Variants in RHOBTB3 observed in about 807,000 individuals in gnomAD.
RHOBTB3 encodes the protein rho-related BTB domain-containing protein 3.
RHOBTB3 carries 47 observed loss-of-function variants against 67.2 expected under a neutral mutation model. The ratio of observed to expected loss-of-function variants is 0.70; its 90% CI spans 0.55 to 0.89. RHOBTB3 has a LOEUF of 0.89. RHOBTB3 is among the 40% of genes least tolerant of loss of function. The probability of loss-of-function intolerance (pLI) is 0.00; values close to 1 mark genes in which losing one functional copy is unlikely to be tolerated. For missense variants in RHOBTB3, 631 were observed against 750.0 expected, an observed-to-expected ratio of 0.84 and a Z score of 1.85; for synonymous variants, 273 against 274.2, an observed-to-expected ratio of 1.00 and a Z score of 0.04.
chr5:95,764,477 T>G (rs1173931297), intron 7 of RHOBTB3, among the ~76,000 whole-genome samples: 4 of 152,244 alleles, frequency 2.6e-5, no homozygotes, highest in Non-Finnish European at 2.9e-5. Context: ...TATATTGCCA[T>G]AGACTGGTGC....
intron 3 of RHOBTB3, among the ~76,000 whole-genome samples, chr5:95,738,621 C>T (rs557049463): frequency 2.4e-4 from 36 of 152,034 alleles, no homozygotes; most frequent in African/African-American, 8.2e-4. Context: ...TTCTGCCTTC[C>T]ACCATGGGAC....
rs759852028 is a variant in RHOBTB3 at position 95,755,747 on chromosome 5, G to A, written c.1034G>A (p.Arg345His). The change falls in exon 6 of 12, where the codon CGC becomes CAC. Residue 345 changes from arginine (R) to histidine (H), a missense_variant. Physicochemically the swap from Arg to His is conservative, Grantham distance 29. Coordinates refer to ENST00000379982, the MANE Select transcript of RHOBTB3 (RefSeq NM_014899.4). The stretch of plus-strand genomic sequence containing the variant: ...TGTTCTTGTTTATCAGACATCCTTC[G>A]CTTCATTTATTCAGGTATCTTGTCA... ...LFCSCLSDIL[R>H]FIYSGAFQWE... 33 of 1,613,184 alleles carry A rather than the reference G, an allele frequency of 2.0e-5. No individual in the cohort carries two copies. The highest frequency in any genetic ancestry group is 4.0e-5 in the African/African-American group (3 of 74,880).
At chr5:95,744,500 G>A (rs1251633284) in intron 3 of RHOBTB3, among the ~76,000 whole-genome samples, 1 of 152,094 alleles carries the variant, frequency 6.6e-6, no homozygotes, top group Non-Finnish European at 1.5e-5. Flanking sequence ...TTGATGTGTG[G>A]TAGGTACTCA....
At chr5:95,718,918 A>G (rs926942673) in intron 1 of RHOBTB3, among the ~76,000 whole-genome samples, 4 of 152,192 alleles carry the variant, frequency 2.6e-5, no homozygotes, top group Admixed American at 2.6e-4. Flanking sequence ...AACAGGGTAG[A>G]AGGCTGCTTG....
At position 95,731,469 on chromosome 5, in the gene RHOBTB3, TC is replaced by T; in HGVS notation, c.-209del. 1.6e-6 allele frequency: 2 copies of T among 1,220,848 alleles called. No homozygotes were observed. Among genetic ancestry groups the T allele is most frequent in the Non-Finnish European group, 2.0e-6 (2 of 984,198 alleles). 75.6% of individuals were successfully genotyped at this position (1,220,848 alleles called of 1,614,324 possible). A position where few individuals can be genotyped will look rare whatever the true frequency, so the allele number is the denominator to read the frequency against. The stretch of plus-strand genomic sequence containing the variant: ...GCACTCCCTGAGTAGCGGCAGCTTA[TC>T]CCCCGCCCGCTAGCCCGCCCTGGTC... On this transcript the variant is annotated 5_prime_UTR_variant, in exon 1 of 12. Coordinates refer to ENST00000379982, the MANE Select transcript of RHOBTB3 (RefSeq NM_014899.4).
intron 2 of RHOBTB3, among the ~76,000 whole-genome samples, chr5:95,733,474 A>C (rs1467018382): frequency 6.6e-6 from 1 of 152,214 alleles, no homozygotes; most frequent in African/African-American, 2.4e-5. Context: ...ATTTAATTTG[A>C]GCTGTTAACA....
At chr5:95,731,726 C>T (rs767066720) in intron 1 of RHOBTB3, 42 bp downstream of exon 1, 53 of 1,612,450 alleles carry the variant, frequency 3.3e-5, no homozygotes, top group Non-Finnish European at 4.3e-5. Context: ...CTCTCCAGCG[C>T]GTGCCGTGCG....
intron 6 of RHOBTB3, chr5:95,755,976 C>T (rs1745233950): frequency 2.0e-6 from 1 of 490,042 alleles, no homozygotes. Context: ...TTTTCCCTAT[C>T]AATTTCATTT....
At chr5:95,767,735 CTGT>C in intron 7 of RHOBTB3, 1 of 682,386 alleles carries the variant, frequency 1.5e-6, no homozygotes, top group South Asian at 1.5e-5. Context: ...AGTTGGACTA[CTGT>C]TGTCTGTTTC....
chr5:95,780,182 A>G (rs1746005286), intron 8 of RHOBTB3, 70 bp from the exon 9 acceptor site: 1 of 1,328,148 alleles, frequency 7.5e-7, no homozygotes, highest in Non-Finnish European at 1.1e-6. Context: ...GTCTAATTAG[A>G]AGGAAAATTG....
At chr5:95,737,222 T>C in intron 3 of RHOBTB3, 147 bp downstream of exon 3, 2 of 574,708 alleles carry the variant, frequency 3.5e-6, no homozygotes, top group South Asian at 4.6e-5. Context: ...CTTCATCATT[T>C]GATACGATAA....
chr5:95,731,776 T>A, intron 1 of RHOBTB3, 83 bp from the exon 2 acceptor site: 1 of 1,604,224 alleles, frequency 6.2e-7, no homozygotes, highest in Non-Finnish European at 8.5e-7. Context: ...CGCCGCGCGC[T>A]GTCCCCCGCA....
chr5:95,737,707 T>C (rs1158510633), intron 3 of RHOBTB3, among the ~76,000 whole-genome samples: 2 of 152,246 alleles, frequency 1.3e-5, no homozygotes, highest in Non-Finnish European at 2.9e-5. Context: ...TTTTACACAT[T>C]ATTCTAAAAA....
chr5:95,772,052 C>A (rs1425210040), intron 8 of RHOBTB3, among the ~76,000 whole-genome samples: 1 of 152,132 alleles, frequency 6.6e-6, no homozygotes, highest in Non-Finnish European at 1.5e-5. Flanking sequence ...TGCTGTCTTC[C>A]AGATGACTTC....
intron 8 of RHOBTB3, chr5:95,769,273 G>T: frequency 2.4e-6 from 1 of 421,522 alleles, no homozygotes; most frequent in Non-Finnish European, 4.7e-6. Flanking sequence ...AAATATTGGA[G>T]CTAAGCTTGT....
chr5:95,783,192 G>A (rs1360333405), intron 9 of RHOBTB3, among the ~76,000 whole-genome samples: 2 of 151,396 alleles, frequency 1.3e-5, no homozygotes, highest in Non-Finnish European at 2.9e-5. Context: ...CATGATCTCC[G>A]CTCACTGCAA....
chr5:95,784,091 G>A, intron 10 of RHOBTB3, 128 bp downstream of exon 10: 1 of 705,284 alleles, frequency 1.4e-6, no homozygotes, highest in Non-Finnish European at 2.1e-6. Context: ...GGCTAATGAG[G>A]CTAAAGTGCC....
chr5:95,741,338 A>T (rs1346287563), intron 3 of RHOBTB3, among the ~76,000 whole-genome samples: 1 of 151,248 alleles, frequency 6.6e-6, no homozygotes, highest in African/African-American at 2.4e-5. Context: ...AAAAAAAAAA[A>T]AGAAAAGAAA....
At chr5:95,736,375 GGATA>G (rs1755455326) in intron 2 of RHOBTB3, among the ~76,000 whole-genome samples, 1 of 152,032 alleles carries the variant, frequency 6.6e-6, no homozygotes. Flanking sequence ...TCCAAAGGAT[GGATA>G]AAGTTGAAAA....
Sources: gnomAD v4.1 joint callset for allele counts (sites outside exome capture counted in the v4.1 genomes callset) on GRCh38, gnomAD v4.1.1 for gene constraint, MANE v1.5 for transcripts, NCBI Gene and HGNC (gene_info 2026-07-23, HGNC 2026-07-21) for gene names.